The following ZSCAN25 variants were observed in gnomAD, a reference collection of about 807,000 sequenced individuals.
The protein encoded by ZSCAN25 is zinc finger and SCAN domain containing 25.
A neutral mutation model predicts 38.7 loss-of-function variants in ZSCAN25; 27 were observed. The ratio of observed to expected loss-of-function variants is 0.70; its 90% CI spans 0.51 to 0.96. The LOEUF is 0.96. Among genes scored for constraint, ZSCAN25 ranks in the 40% least tolerant of loss-of-function variants. The probability of loss-of-function intolerance (pLI) is 0.00; values close to 1 mark genes in which losing one functional copy is unlikely to be tolerated. For missense variants in ZSCAN25, 637 were observed against 705.9 expected, an observed-to-expected ratio of 0.90 and a Z score of 1.11; for synonymous variants, 273 against 277.7, an observed-to-expected ratio of 0.98 and a Z score of 0.17.
At chr7:99,720,022 A>AC in the ZSCAN25 span, among the ~76,000 whole-genome samples, 100 of 146,844 alleles carry the variant, frequency 6.8e-4, no homozygotes, top group South Asian at 0.013. Context: ...ACAACAAACA[A>AC]AAACAAAAAC....
Position 99,630,881 on chromosome 7 carries a change from T to C in ZSCAN25, c.*861T>C, listed in dbSNP as rs1001554820. On this transcript the variant is annotated 3_prime_UTR_variant, in exon 8 of 8. Transcript: ENST00000394152. ...AACAGTTCTCTAGAAAGAACTGTTA[T>C]AATTAAAATGAGTCTGAAAGATGAA... is the stretch of plus-strand genomic sequence containing the variant. 3.4e-5 allele frequency: 33 copies of C among 983,332 alleles called. No homozygotes were observed. The African/African-American group carries it at 4.5e-4, about 14-fold the overall frequency. The allele number at this position is 983,332 out of a possible 1,614,324, so 60.9% of individuals were successfully genotyped here. A position where few individuals can be genotyped will look rare whatever the true frequency, so the allele number is the denominator to read the frequency against.
the ZSCAN25 span, among the ~76,000 whole-genome samples, chr7:99,649,614 G>A: frequency 6.6e-6 from 1 of 152,146 alleles, no homozygotes; most frequent in African/African-American, 2.4e-5. Context: ...GGGTTAATTA[G>A]TTTAGAATTT....
the ZSCAN25 span, chr7:99,647,705 C>T: frequency 1.0e-6 from 1 of 985,362 alleles, no homozygotes; most frequent in Non-Finnish European, 1.2e-6. Context: ...GATTAACTCT[C>T]ACCTATGTTA....
the ZSCAN25 span, chr7:99,660,214 CTTTTTTTTTTTTTTT>C: frequency 5.6e-5 from 24 of 429,912 alleles, no homozygotes; most frequent in South Asian, 3.5e-4. Flanking sequence ...CGCCACACTC[CTTTTTTTTTTTTTTT>C]TTTTTTTTTT....
chr7:99,670,893 A>G, the ZSCAN25 span: 1 of 152,154 alleles, frequency 6.6e-6, no homozygotes, highest in African/African-American at 2.4e-5. Context: ...GTACCCCACT[A>G]GTTTTATGTT....
chr7:99,643,078 T>A, the ZSCAN25 span, among the ~76,000 whole-genome samples: 1 of 152,228 alleles, frequency 6.6e-6, no homozygotes, highest in Non-Finnish European at 1.5e-5. Flanking sequence ...AGTTATTTTT[T>A]CTTTTTTTCA....
chr7:99,737,651 T>C, the ZSCAN25 span, among the ~76,000 whole-genome samples: 1 of 152,246 alleles, frequency 6.6e-6, no homozygotes, highest in Non-Finnish European at 1.5e-5. Context: ...GATTATGTTT[T>C]CTTCTTTCCT....
chr7:99,629,652 C>T lies in ZSCAN25; in HGVS notation c.1267C>T (p.Arg423Cys), dbSNP rs764460768. Residue 423 changes from arginine to cysteine, a missense_variant, in exon 8 of 8, where the codon CGC becomes TGC. Arg to Cys is a radical substitution (Grantham distance 180, BLOSUM62 -3). Coordinates refer to ENST00000394152, the MANE Select transcript of ZSCAN25 (RefSeq NM_145115.3). The surrounding 1 kb of genome is among the most constrained non-coding windows in gnomAD (Gnocchi z 5.6). ...GAGACACCACCTGGAGGTGCACCAG[C>T]GCAGCCACACTGGGGAGAAGCCCTA... is the stretch of plus-strand genomic sequence containing the variant. ...SQRHHLEVHQRSHTGEKPYKC... is the reference protein window; with the variant it reads ...SQRHHLEVHQCSHTGEKPYKC... 8.7e-6 allele frequency: 14 copies of T among 1,613,882 alleles called. No homozygotes were observed. The highest frequency in any genetic ancestry group is 2.2e-5 in the South Asian group (2 of 91,088).
chr7:99,732,838 G>A, the ZSCAN25 span, among the ~76,000 whole-genome samples: 3 of 152,132 alleles, frequency 2.0e-5, no homozygotes, highest in African/African-American at 7.2e-5. Context: ...TAATGGCCAG[G>A]TACCTTCCTG....
intron 4 of ZSCAN25, 40 bp downstream of exon 4, chr7:99,620,033 G>C: frequency 6.4e-7 from 1 of 1,560,012 alleles, no homozygotes; most frequent in Non-Finnish European, 8.6e-7. Context: ...CCCTTGGCGT[G>C]GGCAGGGAAT....
the ZSCAN25 span, among the ~76,000 whole-genome samples, chr7:99,692,765 G>A: frequency 1.3e-5 from 2 of 152,134 alleles, no homozygotes; most frequent in African/African-American, 4.8e-5. Flanking sequence ...AGGTCTTCTT[G>A]ACACTGTTTA....
intron 5 of ZSCAN25, chr7:99,622,007 C>G (rs534001823): frequency 6.3e-6 from 1 of 159,384 alleles, no homozygotes; most frequent in East Asian, 1.9e-4. Flanking sequence ...TCACTGCAAC[C>G]TTTGCCTCCT....
chr7:99,659,880 C>G, the ZSCAN25 span: 5 of 152,624 alleles, frequency 3.3e-5, no homozygotes, highest in East Asian at 7.7e-4. Context: ...GAGCCATGCG[C>G]GGGATATAAT....
chr7:99,625,949 T>A (rs1377618888), intron 7 of ZSCAN25, among the ~76,000 whole-genome samples: 1 of 152,232 alleles, frequency 6.6e-6, no homozygotes. Context: ...ACACTCGGGT[T>A]GTCCTGGTGC....
At chr7:99,708,940 A>C in the ZSCAN25 span, 3 of 1,375,780 alleles carry the variant, frequency 2.2e-6, no homozygotes, top group African/African-American at 1.4e-5. Context: ...AAAGACAAGC[A>C]AACGATTGTA....
At chr7:99,676,509 TC>T in the ZSCAN25 span, 169 of 1,381,522 alleles carry the variant, frequency 1.2e-4, no homozygotes, top group Non-Finnish European at 1.6e-4. Flanking sequence ...CAGGAATTCT[TC>T]CAGGACACTT....
chr7:99,735,828 C>T, the ZSCAN25 span, among the ~76,000 whole-genome samples: 1 of 152,214 alleles, frequency 6.6e-6, no homozygotes. Context: ...TGGTCCCTAT[C>T]AGGGTGCTGT....
chr7:99,695,187 C>T, the ZSCAN25 span, among the ~76,000 whole-genome samples: 1 of 152,138 alleles, frequency 6.6e-6, no homozygotes, highest in Non-Finnish European at 1.5e-5. Flanking sequence ...GGGGTAGAGC[C>T]ATGGAAATAC....
At chr7:99,678,008 C>T in the ZSCAN25 span, among the ~76,000 whole-genome samples, 1 of 152,194 alleles carries the variant, frequency 6.6e-6, no homozygotes. Flanking sequence ...AGTAATGCAG[C>T]CTTTGGGTCC....
Sources: gnomAD v4.1 joint callset for allele counts (sites outside exome capture counted in the v4.1 genomes callset) on GRCh38, gnomAD v4.1.1 for gene constraint, Gnocchi (gnomAD v3.1) non-coding constraint, MANE v1.5 for transcripts, NCBI Gene and HGNC (gene_info 2026-07-23, HGNC 2026-07-21) for gene names.